The following AGAP1 variants were observed in gnomAD, a reference collection of about 807,000 sequenced individuals.
The protein encoded by AGAP1 is ArfGAP with GTPase domain, ankyrin repeat and PH domain 1.
Under a neutral mutation model 105.3 loss-of-function variants are expected in AGAP1, and 29 were observed. That is an observed-to-expected ratio of 0.28 (90% CI 0.21 to 0.38). AGAP1 has a LOEUF of 0.38. Among genes scored for constraint, AGAP1 ranks in the 10% least tolerant of loss-of-function variants. The pLI, the probability that AGAP1 is intolerant of heterozygous loss-of-function variation, is 1.00. For synonymous variants in AGAP1, 509 were observed against 485.9 expected (o/e 1.05, Z -0.63); for missense variants, 998 against 1,165.1 (o/e 0.86, Z 2.09).
intron 16 of AGAP1, among the ~76,000 whole-genome samples, chr2:236,108,573 G>T (rs982988873): frequency 1.2e-4 from 19 of 152,308 alleles, no homozygotes; most frequent in Admixed American, 1.2e-3. Flanking sequence ...ACAAGTGGCG[G>T]GCACACAGAC....
chr2:235,839,571 G>C (rs1336428795), intron 9 of AGAP1, among the ~76,000 whole-genome samples: 1 of 152,208 alleles, frequency 6.6e-6, no homozygotes, highest in African/African-American at 2.4e-5. Flanking sequence ...CTGGGCGACA[G>C]AGCAAGACCC....
At chr2:236,047,518 G>C (rs1045700926) in intron 15 of AGAP1, among the ~76,000 whole-genome samples, 4 of 150,026 alleles carry the variant, frequency 2.7e-5, no homozygotes, top group African/African-American at 9.8e-5. Flanking sequence ...TCTTCTGCTT[G>C]GGTTTTTTTC....
At chr2:235,619,098 G>T (rs1281080188) in intron 1 of AGAP1, among the ~76,000 whole-genome samples, 2 of 152,168 alleles carry the variant, frequency 1.3e-5, no homozygotes, top group African/African-American at 4.8e-5. Flanking sequence ...GAACCTCCAG[G>T]ATCACAGCCC....
At position 235,550,026 on chromosome 2, in the gene AGAP1, A is replaced by G. The variant is rs528697527; in HGVS notation, c.163+55177A>G. ...AACTCTTTGGTGTCTGCAGCTGTAT[A>G]ATATGATGGATGTCCTTGTATTGTA... On this transcript the variant is annotated intron_variant, in intron 1 of 17. Transcript: ENST00000304032. The surrounding 1 kb of genome is among the most constrained non-coding windows in gnomAD (Gnocchi z 4.6). Among the ~76,000 whole-genome samples, 1 of 152,308 alleles carries G rather than the reference A, an allele frequency of 6.6e-6. No individual in the cohort carries two copies. Among genetic ancestry groups the G allele is most frequent in the South Asian group, 2.1e-4 (1 of 4,826 alleles).
rs777781214 is a variant in AGAP1 at position 235,889,404 on chromosome 2, A to G, written c.1155+5955A>G. Reference sequence around the variant, plus strand: ...TCCCCAGGGACTGCGTGTCTCCCTCAGAACTGGGGCAGCTTTCTACTTGCA... The same window carrying G: ...TCCCCAGGGACTGCGTGTCTCCCTCGGAACTGGGGCAGCTTTCTACTTGCA... On this transcript the variant is annotated intron_variant, in intron 10 of 17. Transcript: ENST00000304032. This position sits in a 1 kb window ranked among gnomAD's most constrained non-coding sequence, Gnocchi z 4.6. Among the ~76,000 whole-genome samples the G allele has an allele frequency of 6.6e-6, 1 of 152,190 alleles. No homozygotes were observed. The highest frequency in any genetic ancestry group is 1.5e-5 in the Non-Finnish European group (1 of 68,032).
At chr2:236,086,812 T>A (rs946268112) in intron 16 of AGAP1, among the ~76,000 whole-genome samples, 1 of 152,170 alleles carries the variant, frequency 6.6e-6, no homozygotes, top group African/African-American at 2.4e-5. Context: ...TTTCTTTCTT[T>A]CTTTGCATAA....
chr2:235,870,739 G>T (rs1422625775), intron 9 of AGAP1, among the ~76,000 whole-genome samples: 2 of 152,202 alleles, frequency 1.3e-5, no homozygotes, highest in Non-Finnish European at 2.9e-5. Flanking sequence ...CTGGGCATAA[G>T]AACTGTATAT....
chr2:235,656,452 C>T (rs757303999), intron 1 of AGAP1, among the ~76,000 whole-genome samples: 1 of 152,070 alleles, frequency 6.6e-6, no homozygotes, highest in Non-Finnish European at 1.5e-5. Flanking sequence ...TTTTCGATTA[C>T]CTGCTCCACC....
intron 9 of AGAP1, among the ~76,000 whole-genome samples, chr2:235,812,265 G>C (rs941235812): frequency 6.6e-6 from 1 of 152,158 alleles, no homozygotes; most frequent in African/African-American, 2.4e-5. Flanking sequence ...GCAGCCATCT[G>C]AAGCCGTGGG....
intron 1 of AGAP1, among the ~76,000 whole-genome samples, chr2:235,706,763 T>C (rs1950556976): frequency 6.6e-6 from 1 of 152,210 alleles, no homozygotes; most frequent in Non-Finnish European, 1.5e-5. Context: ...AGTGACGTTC[T>C]GAGAAGCCAG....
At chr2:235,742,948 C>T (rs945689968) in intron 4 of AGAP1, among the ~76,000 whole-genome samples, 1 of 152,188 alleles carries the variant, frequency 6.6e-6, no homozygotes, top group Non-Finnish European at 1.5e-5. Context: ...AGGCAGATCA[C>T]CTGAGGTCGG....
In AGAP1 at chr2:235,958,971, G is replaced by A. The variant is rs2054064765; in HGVS notation, c.1484-9491G>A. Among the ~76,000 whole-genome samples the A allele has an allele frequency of 6.6e-6, 1 of 152,212 alleles. No individual in the cohort carries two copies. Among genetic ancestry groups the A allele is most frequent in the East Asian group, 1.9e-4 (1 of 5,174 alleles). Reference sequence around the variant, plus strand: ...TTTGGGGTGTGCGTTGAACATTGATGCCCGATTGGGAAGAACTAATGGCTG... The same window carrying A: ...TTTGGGGTGTGCGTTGAACATTGATACCCGATTGGGAAGAACTAATGGCTG... On this transcript the variant is annotated intron_variant, in intron 12 of 17. Transcript: ENST00000304032. This position sits in a 1 kb window ranked among gnomAD's most constrained non-coding sequence, Gnocchi z 4.1.
In AGAP1 at chr2:236,124,559, T is replaced by C; in HGVS notation, c.*437T>C. On this transcript the variant is annotated 3_prime_UTR_variant, in exon 18 of 18. Coordinates refer to ENST00000304032, the MANE Select transcript of AGAP1 (RefSeq NM_001037131.3). The surrounding 1 kb of genome is among the most constrained non-coding windows in gnomAD (Gnocchi z 5.1). ...AAACGGAACACTTGGATTCCATCTC[T>C]TCTCTGAGGAGCTCGACGGCATAAA... is the stretch of plus-strand genomic sequence containing the variant. 1 of 216,396 alleles carries C rather than the reference T, an allele frequency of 4.6e-6. No homozygotes were observed. The allele number at this position is 216,396 out of a possible 1,614,324, so 13.4% of individuals were successfully genotyped here. A position where few individuals can be genotyped will look rare whatever the true frequency, so the allele number is the denominator to read the frequency against.
intron 11 of AGAP1, among the ~76,000 whole-genome samples, chr2:235,928,070 AG>A (rs1436363600): frequency 6.6e-6 from 1 of 152,196 alleles, no homozygotes; most frequent in Non-Finnish European, 1.5e-5. Context: ...CTGGCACAGC[AG>A]TCAGGGTCCC....
At position 235,992,336 on chromosome 2, in the gene AGAP1, T is replaced by C. The variant is rs895071275; in HGVS notation, c.1645+23713T>C. Among the ~76,000 whole-genome samples the C allele has an allele frequency of 2.0e-5, 3 of 152,178 alleles. No homozygotes were observed. The highest frequency in any genetic ancestry group is 4.8e-5 in the African/African-American group (2 of 41,452). ...TCACGCTCCCGTCAGTGCTCTCAGC[T>C]GTAAAATGGGAACGATCAGGTTGTC... On this transcript the variant is annotated intron_variant, in intron 13 of 17. Transcript: ENST00000304032. This position sits in a 1 kb window ranked among gnomAD's most constrained non-coding sequence, Gnocchi z 4.8.
chr2:236,006,774 A>G (rs1047773428), intron 13 of AGAP1, among the ~76,000 whole-genome samples: 3 of 152,202 alleles, frequency 2.0e-5, no homozygotes, highest in Non-Finnish European at 4.4e-5. Context: ...TAAAGGAAAA[A>G]TGGAAAAGGT....
In AGAP1 at chr2:235,787,521, G is replaced by T. The variant is rs540946169; in HGVS notation, c.674-10238G>T. On this transcript the variant is annotated intron_variant, in intron 6 of 17. Transcript: ENST00000304032. The surrounding 1 kb of genome is among the most constrained non-coding windows in gnomAD (Gnocchi z 4.4). ...GGTGCAGACAAGGTGTGCAGGAGGT[G>T]GATGTGATGTTGTGGTTGGTTGGTT... Among the ~76,000 whole-genome samples the T allele has an allele frequency of 2.0e-5, 3 of 152,276 alleles. No individual in the cohort carries two copies. The highest frequency in any genetic ancestry group is 7.2e-5 in the African/African-American group (3 of 41,568).
rs964861878 is a variant in AGAP1, at chr2:235,747,390, C to T, written c.538+2551C>T. Among the ~76,000 whole-genome samples, 2 of 152,258 alleles carry T rather than the reference C, an allele frequency of 1.3e-5. No homozygotes were observed. Among genetic ancestry groups the T allele is most frequent in the South Asian group, 2.1e-4 (1 of 4,824 alleles). On this transcript the variant is annotated intron_variant, in intron 5 of 17. Coordinates refer to ENST00000304032, the MANE Select transcript of AGAP1 (RefSeq NM_001037131.3). This position sits in a 1 kb window ranked among gnomAD's most constrained non-coding sequence, Gnocchi z 5.0. ...CAGGAAGGCCCCAGGGGAGTGTGTG[C>T]GTGTGCGAGGGTGGCCTCTGGGGTT...
At chr2:235,807,541 A>G (rs574772959) in intron 9 of AGAP1, among the ~76,000 whole-genome samples, 1 of 152,382 alleles carries the variant, frequency 6.6e-6, no homozygotes, top group East Asian at 1.9e-4. Flanking sequence ...AACAGACCTA[A>G]TGAAGTGCGG....
Sources: gnomAD v4.1 joint callset for allele counts (sites outside exome capture counted in the v4.1 genomes callset) on GRCh38, gnomAD v4.1.1 for gene constraint, Gnocchi (gnomAD v3.1) non-coding constraint, MANE v1.5 for transcripts, NCBI Gene and HGNC (gene_info 2026-07-23, HGNC 2026-07-21) for gene names.